Variants in PCDHGA3 observed in about 807,000 individuals in gnomAD.
PCDHGA3 encodes the protein protocadherin gamma-A3.
In PCDHGA3, 40 loss-of-function variants were observed where a neutral mutation model predicts 58.5. The observed-to-expected ratio is 0.68, with a 90% CI of 0.53 to 0.89. PCDHGA3 has a LOEUF of 0.89. Among genes scored for constraint, PCDHGA3 ranks in the 40% least tolerant of loss-of-function variants. The probability of loss-of-function intolerance (pLI) is 0.00; values close to 1 mark genes in which losing one functional copy is unlikely to be tolerated. For synonymous variants in PCDHGA3, 530 were observed against 525.7 expected, an observed-to-expected ratio of 1.01 and a Z score of -0.11; for missense variants, 1,223 against 1,195.9, an observed-to-expected ratio of 1.02 and a Z score of -0.33.
chr5:141,408,053 TC>T, intron 1 of PCDHGA3: 1 of 1,288,090 alleles, frequency 7.8e-7, no homozygotes, highest in South Asian at 1.6e-5. Context: ...ACACAGAGCC[TC>T]CCGGCTGCGC....
rs368564960 is a variant in PCDHGA3 at position 141,408,437 on chromosome 5, G to T, written c.2424+61980G>T. Reference sequence around the variant, plus strand: ...GGAGAAGCTGCACTTCAGCGTAGACGCGGAGAGCGGGGACTTACTTGTGAA... The same window carrying T: ...GGAGAAGCTGCACTTCAGCGTAGACTCGGAGAGCGGGGACTTACTTGTGAA... On this transcript the variant is annotated intron_variant, in intron 1 of 3. Transcript: ENST00000253812. The T allele has an allele frequency of 1.3e-5, 21 of 1,613,950 alleles. No homozygotes were observed. Among genetic ancestry groups the T allele is most frequent in the Non-Finnish European group, 1.6e-5 (19 of 1,179,918 alleles).
intron 1 of PCDHGA3, chr5:141,418,007 C>T: frequency 6.2e-7 from 1 of 1,613,904 alleles, no homozygotes; most frequent in Non-Finnish European, 8.5e-7. Flanking sequence ...GGTGGGGAAC[C>T]TCGCTAAGGA....
chr5:141,371,651 T>C, intron 1 of PCDHGA3: 1 of 1,613,998 alleles, frequency 6.2e-7, no homozygotes, highest in Admixed American at 1.7e-5. Flanking sequence ...CAGAATACAA[T>C]GTGACGATCA....
In PCDHGA3 at chr5:141,372,328, C is replaced by A. The variant is rs1170186099; in HGVS notation, c.2424+25871C>A. ...GCCGCCCGCCAGCGCCTGCTGGTCA[C>A]TGTGCGTGATGGAGGACAGCAGCCT... On this transcript the variant is annotated intron_variant, in intron 1 of 3. Coordinates refer to ENST00000253812, the MANE Select transcript of PCDHGA3 (RefSeq NM_018916.4). 4 of 1,613,626 alleles carry A rather than the reference C, an allele frequency of 2.5e-6. No homozygotes were observed. In the South Asian group the frequency reaches 4.4e-5, roughly 18 times the overall value.
intron 1 of PCDHGA3, chr5:141,415,910 A>G: frequency 1.3e-6 from 1 of 757,484 alleles, no homozygotes; most frequent in Non-Finnish European, 1.8e-6. Context: ...ACTTCCATAC[A>G]GAAGTGCCTG....
intron 2 of PCDHGA3, among the ~76,000 whole-genome samples, chr5:141,498,451 T>C (rs1426888821): frequency 6.6e-6 from 1 of 152,126 alleles, no homozygotes; most frequent in Non-Finnish European, 1.5e-5. Context: ...AGGTTCCTTT[T>C]ATCCAGTCTA....
At chr5:141,393,534 G>GA in intron 1 of PCDHGA3, 1 of 1,613,928 alleles carries the variant, frequency 6.2e-7, no homozygotes, top group Non-Finnish European at 8.5e-7. Flanking sequence ...CAATGCCCCG[G>GA]TTTTTCCTCA....
In PCDHGA3 at chr5:141,491,359, G is replaced by C. The variant is rs764159829; in HGVS notation, c.2425-3448G>C. 3 of 1,614,154 alleles carry C rather than the reference G, an allele frequency of 1.9e-6. No homozygotes were observed. In the East Asian group the frequency reaches 6.7e-5, roughly 36 times the overall value. On this transcript the variant is annotated intron_variant, in intron 1 of 3. Coordinates refer to ENST00000253812, the MANE Select transcript of PCDHGA3 (RefSeq NM_018916.4). This position sits in a 1 kb window ranked among gnomAD's most constrained non-coding sequence, Gnocchi z 6.9. ...AGCGACCGTCAGTCTCTTATCCCTA[G>C]TCACCTTCACCTTTCTGTCAGCGAA...
chr5:141,418,224 T>C (rs756997971), intron 1 of PCDHGA3: 1 of 1,613,998 alleles, frequency 6.2e-7, no homozygotes, highest in Non-Finnish European at 8.5e-7. Flanking sequence ...GTCATTGTGG[T>C]GATTGAGGAT....
At chr5:141,368,562 A>T (rs1765727979) in intron 1 of PCDHGA3, among the ~76,000 whole-genome samples, 1 of 152,144 alleles carries the variant, frequency 6.6e-6, no homozygotes, top group African/African-American at 2.4e-5. Flanking sequence ...AGAAAATGTT[A>T]TATGCTTCTT....
chr5:141,350,887 G>A (rs2149759418), intron 1 of PCDHGA3: 3 of 1,614,044 alleles, frequency 1.9e-6, no homozygotes, highest in Non-Finnish European at 2.5e-6. Flanking sequence ...GCTTAATCCT[G>A]ACTGCCATGG....
intron 3 of PCDHGA3, among the ~76,000 whole-genome samples, chr5:141,506,402 G>A (rs1032556978): frequency 2.8e-5 from 4 of 143,790 alleles, no homozygotes; most frequent in East Asian, 2.0e-4. Flanking sequence ...GCAGAAAATC[G>A]CACCACTGCA....
At chr5:141,389,988 C>T (rs1348283803) in intron 1 of PCDHGA3, 7 of 1,613,918 alleles carry the variant, frequency 4.3e-6, no homozygotes, top group Non-Finnish European at 5.9e-6. Context: ...AGTGCTCTTC[C>T]TCGTGGCCAT....
intron 1 of PCDHGA3, chr5:141,385,316 G>A: frequency 1.2e-6 from 2 of 1,610,350 alleles, no homozygotes; most frequent in Non-Finnish European, 1.7e-6. Flanking sequence ...AACCTGCCAA[G>A]TATTCAGGTG....
At chr5:141,394,455 C>T in intron 1 of PCDHGA3, 1 of 1,614,268 alleles carries the variant, frequency 6.2e-7, no homozygotes, top group Non-Finnish European at 8.5e-7. Flanking sequence ...CAACATGTCA[C>T]TGAGCCTGTT....
rs2099710738 is a variant in PCDHGA3, at chr5:141,491,331, T to C, written c.2425-3476T>C. 6.2e-7 allele frequency: 1 copy of C among 1,614,170 alleles called. No homozygotes were observed. The highest frequency in any genetic ancestry group is 8.5e-7 in the Non-Finnish European group (1 of 1,180,018). On this transcript the variant is annotated intron_variant, in intron 1 of 3. Coordinates refer to ENST00000253812, the MANE Select transcript of PCDHGA3 (RefSeq NM_018916.4). The surrounding 1 kb of genome is among the most constrained non-coding windows in gnomAD (Gnocchi z 6.9). ...ACCTTACCCTTTACCTCATTGTGGC[T>C]CTAGCGACCGTCAGTCTCTTATCCC...
chr5:141,501,300 C>T (rs867143352), intron 2 of PCDHGA3, among the ~76,000 whole-genome samples: 2,626 of 150,646 alleles, frequency 0.017, 74 homozygotes, highest in African/African-American at 0.06. Context: ...TACACACACA[C>T]ACACACACAC....
rs1284444428 is a variant in PCDHGA3 at position 141,345,756 on chromosome 5, G to A, written c.1723G>A (p.Val575Met). 2 of 1,614,198 alleles carry A rather than the reference G, an allele frequency of 1.2e-6. No homozygotes were observed. The highest frequency in any genetic ancestry group is 1.7e-6 in the Non-Finnish European group (2 of 1,180,046). ...PALPTDGSTG[V>M]ELAPRSAEPG... ...CCTCCCCACAGACGGTTCCACTGGC[G>A]TGGAGCTGGCGCCTCGCTCCGCAGA... Residue 575 changes from valine (V) to methionine (M), a missense_variant, in exon 1 of 4, where the codon GTG becomes ATG. This residue lies in a region of PCDHGA3 where 107 missense variants were observed against 159.8 expected (regional missense o/e 0.67). Transcript: ENST00000253812.
intron 1 of PCDHGA3, chr5:141,421,623 C>T: frequency 6.2e-7 from 1 of 1,613,810 alleles, no homozygotes. Flanking sequence ...ATAACGCCCC[C>T]AGCTTCCAGG....
Sources: gnomAD v4.1 joint callset for allele counts (sites outside exome capture counted in the v4.1 genomes callset) on GRCh38, gnomAD v4.1.1 for gene constraint, gnomAD v4.1.1 regional missense constraint, Gnocchi (gnomAD v3.1) non-coding constraint, MANE v1.5 for transcripts, NCBI Gene and HGNC (gene_info 2026-07-23, HGNC 2026-07-21) for gene names.